Variants in MZT2B observed in about 807,000 individuals in gnomAD.
MZT2B encodes mitotic-spindle organizing protein 2B.
MZT2B carries 11 observed loss-of-function variants against 12.1 expected under a neutral mutation model. The ratio of observed to expected loss-of-function variants is 0.91; its 90% CI spans 0.57 to 1.50. MZT2B has a LOEUF of 1.50. Ranked by LOEUF, MZT2B falls within the 40% of genes most tolerant of loss-of-function variation. The probability of loss-of-function intolerance (pLI) is 0.00; values close to 1 mark genes in which losing one functional copy is unlikely to be tolerated. For synonymous variants in MZT2B, 85 were observed against 109.5 expected, an observed-to-expected ratio of 0.78 and a Z score of 1.40; for missense variants, 209 against 227.7, an observed-to-expected ratio of 0.92 and a Z score of 0.53.
chr2:130,192,820 G>A (rs1290870663), downstream of MZT2B, among the ~76,000 whole-genome samples: 1 of 152,228 alleles, frequency 6.6e-6, no homozygotes, highest in African/African-American at 2.4e-5. Context: ...ATCAGGCCAG[G>A]TGTGGTGGCT....
intron 2 of MZT2B, among the ~76,000 whole-genome samples, chr2:130,186,057 C>G (rs1001308731): frequency 7.2e-5 from 11 of 152,050 alleles, no homozygotes; most frequent in Non-Finnish European, 1.3e-4. Context: ...GCTGAGAGCT[C>G]TCTGAGGCCC....
chr2:130,190,459 G>C lies in MZT2B; in HGVS notation c.320-10G>C, dbSNP rs1221891072. On this transcript the variant is annotated splice_polypyrimidine_tract_variant and intron_variant, in intron 2 of 2. Coordinates refer to ENST00000281871, the MANE Select transcript of MZT2B (RefSeq NM_025029.5). The stretch of plus-strand genomic sequence containing the variant: ...CCCATTCCTAATCATTGTGCTTTGT[G>C]TCTCCTCAGGGAGAAACAAAGGCAG... The C allele has an allele frequency of 8.7e-6, 14 of 1,612,590 alleles. No homozygotes were observed. The Admixed American group carries it at 1.2e-4, about 13-fold the overall frequency.
At position 130,183,882 on chromosome 2, in the gene MZT2B, A is replaced by G. The variant is rs997190656; in HGVS notation, c.319+1107A>G. 4 of 1,550,382 alleles carry G rather than the reference A, an allele frequency of 2.6e-6. No individual in the cohort carries two copies. The African/African-American group carries it at 5.5e-5, about 21-fold the overall frequency. The stretch of plus-strand genomic sequence containing the variant: ...TGCGGCCTCTCCGGTTCTGCTCCAC[A>G]GCCCGGCTGCCACACACTCGCCTCT... On this transcript the variant is annotated intron_variant, in intron 2 of 2. Transcript: ENST00000281871.
At chr2:130,197,492 C>CAA in the MZT2B span, among the ~76,000 whole-genome samples, 983 of 44,338 alleles carry the variant, frequency 0.022, 87 homozygotes, top group African/African-American at 0.059. Context: ...AGTGCTGTCT[C>CAA]AAAAAAAAAA....
chr2:130,188,410 C>A (rs1690140311), intron 2 of MZT2B: 1 of 167,130 alleles, frequency 6.0e-6, no homozygotes, highest in Non-Finnish European at 1.5e-5. Flanking sequence ...AGACAGAATC[C>A]TTGCCCCTTG....
At chr2:130,194,097 T>C (rs756260885), downstream of MZT2B, 6 of 1,614,100 alleles carry the variant, frequency 3.7e-6, no homozygotes. Flanking sequence ...AAGTCCACAT[T>C]CAGGGCCCCA....
downstream of MZT2B, among the ~76,000 whole-genome samples, chr2:130,190,936 A>G (rs1470210313): frequency 6.6e-6 from 1 of 151,810 alleles, no homozygotes; most frequent in African/African-American, 2.4e-5. Flanking sequence ...CTTCACTTGA[A>G]GTGAAATGTG....
chr2:130,182,712 G>A lies in MZT2B; in HGVS notation c.256G>A (p.Ala86Thr), dbSNP rs1435800562. The stretch of plus-strand genomic sequence containing the variant: ...GTCCATGTGTGCCGGGCAGAGGCTA[G>A]CGAGCGAGCCCCAGGACCCTGCGGC... ...LKSMCAGQRL[A>T]SEPQDPAAVS... is the part of the protein sequence containing the mutation. Residue 86 changes from alanine (A) to threonine (T), a missense_variant, in exon 2 of 3, where the codon GCG becomes ACG. Transcript: ENST00000281871. 1 of 1,542,306 alleles carries A rather than the reference G, an allele frequency of 6.5e-7. No individual in the cohort carries two copies.
chr2:130,192,113 G>T, downstream of MZT2B: 1 of 1,596,984 alleles, frequency 6.3e-7, no homozygotes, highest in Non-Finnish European at 8.5e-7. Flanking sequence ...TGGGGGGCTG[G>T]TAGTTAATGC....
the MZT2B span, among the ~76,000 whole-genome samples, chr2:130,200,119 T>C: frequency 6.7e-6 from 1 of 148,262 alleles, no homozygotes; most frequent in Non-Finnish European, 1.5e-5. Flanking sequence ...AGGCAGGGCG[T>C]GGTGGCTCAC....
chr2:130,190,501 G>A lies in MZT2B; in HGVS notation c.352G>A (p.Ala118Thr), dbSNP rs754575540. ...CAAAGGCAGCGCTGCCCTCGGGGGA[G>A]CATTGGCCCTGGCGGAACGCAGCAG... ...RNKGSAALGG[A>T]LALAERSSRE... is the part of the protein sequence containing the mutation. The change falls in exon 3 of 3, where the codon GCA (alanine) becomes ACA (threonine). Residue 118 changes from alanine to threonine, a missense_variant. Transcript: ENST00000281871. The A allele has an allele frequency of 6.2e-7, 1 of 1,613,784 alleles. No homozygotes were observed. Among genetic ancestry groups the A allele is most frequent in the Non-Finnish European group, 8.5e-7 (1 of 1,179,942 alleles).
chr2:130,189,241 G>A (rs558020018), intron 2 of MZT2B, among the ~76,000 whole-genome samples: 28 of 152,246 alleles, frequency 1.8e-4, no homozygotes, highest in African/African-American at 6.5e-4. Flanking sequence ...GAGGGGGTGG[G>A]GTGTGGAGTT....
the MZT2B span, chr2:130,196,516 C>A: frequency 8.9e-7 from 1 of 1,121,092 alleles, no homozygotes; most frequent in South Asian, 1.7e-5. Context: ...GGGTTAGTGA[C>A]TGATCCCTTT....
chr2:130,184,671 G>A (rs368403145), intron 2 of MZT2B: 11 of 985,304 alleles, frequency 1.1e-5, no homozygotes, highest in East Asian at 2.3e-4. Flanking sequence ...TGTATGCACT[G>A]CAGGCTGAGA....
chr2:130,186,664 T>C (rs1558778355), intron 2 of MZT2B, among the ~76,000 whole-genome samples: 3 of 152,156 alleles, frequency 2.0e-5, no homozygotes, highest in Admixed American at 1.3e-4. Context: ...CCACCACACC[T>C]TGGGAGTCCA....
chr2:130,195,288 A>G (rs1383768479), downstream of MZT2B: 104 of 1,578,004 alleles, frequency 6.6e-5, no homozygotes, highest in Non-Finnish European at 8.0e-5. Context: ...AGATGGACAC[A>G]TTCCAGGAGT....
chr2:130,185,322 A>AAC (rs1259776741), intron 2 of MZT2B, among the ~76,000 whole-genome samples: 1 of 150,768 alleles, frequency 6.6e-6, no homozygotes, highest in Non-Finnish European at 1.5e-5. Context: ...AAAAAAAAAA[A>AAC]AAACTAGCCA....
At chr2:130,187,187 C>T (rs1326739666) in intron 2 of MZT2B, among the ~76,000 whole-genome samples, 2 of 151,520 alleles carry the variant, frequency 1.3e-5, no homozygotes, top group East Asian at 1.9e-4. Context: ...TTTTCTTTTA[C>T]TTTTTATTTA....
intron 2 of MZT2B, among the ~76,000 whole-genome samples, chr2:130,185,958 C>T (rs974829731): frequency 9.9e-5 from 15 of 151,964 alleles, no homozygotes; most frequent in African/African-American, 3.4e-4. Context: ...TAGAGTGGAA[C>T]CTGAGGAGGA....
Sources: allele counts gnomAD v4.1 joint callset (sites outside exome capture counted in the v4.1 genomes callset), GRCh38; gene constraint gnomAD v4.1.1; transcripts MANE v1.5; gene names NCBI Gene and HGNC (gene_info 2026-07-23, HGNC 2026-07-21).